Variants in SPATA7 observed in about 807,000 individuals in gnomAD.
SPATA7 encodes spermatogenesis associated 7, also known as spermatogenesis-associated protein 7.
A neutral mutation model predicts 51.8 loss-of-function variants in SPATA7; 43 were observed. The ratio of observed to expected loss-of-function variants is 0.83; its 90% CI spans 0.65 to 1.07. SPATA7 has a LOEUF of 1.07. Ranked by LOEUF, SPATA7 falls within the 50% of genes least tolerant of loss-of-function variation. The pLI is 0.00. For missense variants in SPATA7, 683 were observed against 701.3 expected (o/e 0.97, Z 0.30); for synonymous variants, 230 against 252.8 (o/e 0.91, Z 0.86).
intron 3 of SPATA7, among the ~76,000 whole-genome samples, chr14:88,447,573 G>C (rs1458340949): frequency 1.3e-5 from 2 of 151,934 alleles, no homozygotes; most frequent in Admixed American, 6.6e-5. Flanking sequence ...TAGTTTCTTC[G>C]TAGTCTCGAT....
downstream of SPATA7, among the ~76,000 whole-genome samples, chr14:88,440,939 A>G (rs1380971361): frequency 2.0e-5 from 3 of 152,010 alleles, no homozygotes; most frequent in Non-Finnish European, 4.4e-5. Flanking sequence ...TAAGCAGTGT[A>G]CATTGTACCC....
rs1371201930 is a variant in SPATA7 at position 88,469,063 on chromosome 14, C to A, written c.255-784C>A. 7 of 1,612,966 alleles carry A rather than the reference C, an allele frequency of 4.3e-6. No individual in the cohort carries two copies. Among genetic ancestry groups the A allele is most frequent in the Non-Finnish European group, 5.9e-6 (7 of 1,179,190 alleles). The stretch of plus-strand genomic sequence containing the variant: ...TTGTATGGCGTCGAACAGACTGGAT[C>A]TCTTCAAGATATGCTGTGGAAAATC... On this transcript the variant is annotated intron_variant, in intron 4 of 4. Coordinates refer to the SPATA7 transcript ENST00000556406. This position sits in a 1 kb window ranked among gnomAD's most constrained non-coding sequence, Gnocchi z 4.3.
At chr14:88,409,493 A>G (rs1423070082) in intron 4 of SPATA7, among the ~76,000 whole-genome samples, 1 of 151,642 alleles carries the variant, frequency 6.6e-6, no homozygotes, top group Non-Finnish European at 1.5e-5. Flanking sequence ...CTTCTTTATT[A>G]GTCTGGCTAG....
chr14:88,416,673 TTTG>T, intron 4 of SPATA7, 35 bp from the exon 5 acceptor site: 1 of 1,608,708 alleles, frequency 6.2e-7, no homozygotes, highest in Non-Finnish European at 8.5e-7. Context: ...AATTTTCTAT[TTTG>T]TTCCATATTT....
chr14:88,419,699 G>A (rs2076585343), intron 5 of SPATA7, among the ~76,000 whole-genome samples: 2 of 151,790 alleles, frequency 1.3e-5, no homozygotes, highest in African/African-American at 4.8e-5. Context: ...CTAATTTTTT[G>A]TATTTTTAGT....
Position 88,431,027 on chromosome 14 carries a change from A to G in SPATA7, c.1029-145A>G. 3.7e-6 allele frequency: 3 copies of G among 813,306 alleles called. No individual in the cohort carries two copies. The South Asian group carries it at 4.3e-5, about 12-fold the overall frequency. 50.4% of individuals were successfully genotyped at this position (813,306 alleles called of 1,614,324 possible). A position where few individuals can be genotyped will look rare whatever the true frequency, so the allele number is the denominator to read the frequency against. On this transcript the variant is annotated intron_variant, in intron 8 of 11. Transcript: ENST00000393545. ...CAACTACTAAGTATATAATGGAAAT[A>G]TTCCAAAATCCAAATTCTGAAACAC... is the stretch of plus-strand genomic sequence containing the variant.
chr14:88,435,403 C>T (rs1188954323), intron 10 of SPATA7, among the ~76,000 whole-genome samples: 1 of 152,084 alleles, frequency 6.6e-6, no homozygotes, highest in Non-Finnish European at 1.5e-5. Context: ...GGGTATCCAT[C>T]CTCTCAAGCA....
At chr14:88,457,106 C>A (rs568581022), downstream of SPATA7, among the ~76,000 whole-genome samples, 4 of 152,260 alleles carry the variant, frequency 2.6e-5, no homozygotes, top group African/African-American at 9.6e-5. Context: ...GTACCAGTAC[C>A]ATGCTGTTTT....
At position 88,386,123 on chromosome 14, in the gene SPATA7, TC is replaced by T. The variant is rs1202119898; in HGVS notation, c.19+289del. The T allele has an allele frequency of 6.3e-6, 7 of 1,119,172 alleles. No homozygotes were observed. In the African/African-American group the frequency reaches 1.1e-4, roughly 18 times the overall value. 69.3% of individuals were successfully genotyped at this position (1,119,172 alleles called of 1,614,324 possible). On this transcript the variant is annotated intron_variant, in intron 1 of 11. Transcript: ENST00000393545. ...GTGCAGCCTTTAAAACCTCAGTAGCTCCCAGGCAGAGGAACCAGGTTTGGTC... is the reference window on the plus strand; with the variant it reads ...GTGCAGCCTTTAAAACCTCAGTAGCTCCAGGCAGAGGAACCAGGTTTGGTC...
chr14:88,407,048 G>C (rs2076218835), intron 4 of SPATA7, among the ~76,000 whole-genome samples: 1 of 152,104 alleles, frequency 6.6e-6, no homozygotes, highest in Non-Finnish European at 1.5e-5. Flanking sequence ...CCAAGTCTTT[G>C]GTATTGTGAA....
chr14:88,385,700 C>T lies in SPATA7; in HGVS notation c.-119C>T. Reference sequence around the variant, plus strand: ...CAACGGCCTGGCAACGGTTTCCCTGCTGCTGCAGCCCCCGTCGGCTCCTCT... The same window carrying T: ...CAACGGCCTGGCAACGGTTTCCCTGTTGCTGCAGCCCCCGTCGGCTCCTCT... On this transcript the variant is annotated 5_prime_UTR_variant, in exon 1 of 12. Coordinates refer to ENST00000393545, the MANE Select transcript of SPATA7 (RefSeq NM_018418.5). 1.0e-6 allele frequency: 1 copy of T among 995,814 alleles called. No individual in the cohort carries two copies. Among genetic ancestry groups the T allele is most frequent in the South Asian group, 1.4e-5 (1 of 73,406 alleles). 61.7% of individuals were successfully genotyped at this position (995,814 alleles called of 1,614,324 possible).
At chr14:88,433,266 A>G (rs1312471976) in intron 10 of SPATA7, 54 bp downstream of exon 10, 3 of 1,189,512 alleles carry the variant, frequency 2.5e-6, no homozygotes, top group African/African-American at 3.0e-5. Context: ...AATATTCTTC[A>G]TATTTCTTCA....
chr14:88,397,989 G>A (rs576821311), intron 4 of SPATA7, among the ~76,000 whole-genome samples: 4 of 152,118 alleles, frequency 2.6e-5, no homozygotes, highest in African/African-American at 9.6e-5. Flanking sequence ...GGCTGAGGCA[G>A]GAGAATGGCG....
chr14:88,413,690 A>G (rs2076400353), intron 4 of SPATA7, among the ~76,000 whole-genome samples: 1 of 151,242 alleles, frequency 6.6e-6, no homozygotes, highest in Non-Finnish European at 1.5e-5. Flanking sequence ...CTTGTAATAG[A>G]TGGCTCTTAT....
chr14:88,441,226 T>C (rs962272739), downstream of SPATA7, among the ~76,000 whole-genome samples: 2 of 152,162 alleles, frequency 1.3e-5, no homozygotes, highest in Admixed American at 1.3e-4. Flanking sequence ...ACACATCACA[T>C]TTTCATTATC....
At position 88,385,720 on chromosome 14, in the gene SPATA7, T is replaced by C; in HGVS notation, c.-99T>C. ...CCCTGCTGCTGCAGCCCCCGTCGGC[T>C]CCTCTTTTCCAGTCCTCCACTGCCG... is the stretch of plus-strand genomic sequence containing the variant. On this transcript the variant is annotated 5_prime_UTR_variant, in exon 1 of 12. Transcript: ENST00000393545. 1 of 1,205,878 alleles carries C rather than the reference T, an allele frequency of 8.3e-7. No homozygotes were observed. Among genetic ancestry groups the C allele is most frequent in the Non-Finnish European group, 1.2e-6 (1 of 830,790 alleles). 74.7% of individuals were successfully genotyped at this position (1,205,878 alleles called of 1,614,324 possible).
chr14:88,458,328 A>G (rs2077297662), downstream of SPATA7, among the ~76,000 whole-genome samples: 1 of 152,170 alleles, frequency 6.6e-6, no homozygotes, highest in African/African-American at 2.4e-5. Context: ...CCTCTAGTAG[A>G]ATTCGGCTGT....
At position 88,437,847 on chromosome 14, in the gene SPATA7, C is replaced by T. The variant is rs376584178; in HGVS notation, c.1225C>T (p.Arg409Cys). 40 of 1,587,622 alleles carry T rather than the reference C, an allele frequency of 2.5e-5. No individual in the cohort carries two copies. Among genetic ancestry groups the T allele is most frequent in the East Asian group, 4.5e-5 (2 of 44,686 alleles). Residue 409 changes from arginine to cysteine, a missense_variant, in exon 12 of 12, where the codon CGC (arginine) becomes TGC (cysteine). Coordinates refer to ENST00000393545, the MANE Select transcript of SPATA7 (RefSeq NM_018418.5). The part of the protein sequence containing the change: ...QNKHLEEEKM[R>C]HLLHVLKVDL... ...CTTTTCTTAATCCTAGGAAAAAATG[C>T]GCCACCTGCTGCATGTCCTGAAAGT...
At chr14:88,441,844 C>T (rs551536765), downstream of SPATA7, among the ~76,000 whole-genome samples, 2 of 152,128 alleles carry the variant, frequency 1.3e-5, no homozygotes, top group African/African-American at 4.8e-5. Context: ...TTTTAGTTTA[C>T]CTAAGTATCA....
Sources: allele counts gnomAD v4.1 joint callset (sites outside exome capture counted in the v4.1 genomes callset), GRCh38; gene constraint gnomAD v4.1.1; non-coding constraint Gnocchi (gnomAD v3.1); transcripts MANE v1.5; gene names NCBI Gene and HGNC (gene_info 2026-07-23, HGNC 2026-07-21).